LMX1A: variants seen among roughly 807,000 people sequenced by gnomAD.
LMX1A encodes the protein LIM homeobox transcription factor 1-alpha.
In LMX1A, 15 loss-of-function variants were observed where a neutral mutation model predicts 49.1. The ratio of observed to expected loss-of-function variants is 0.31; its 90% CI spans 0.20 to 0.47. The LOEUF (loss-of-function observed/expected upper bound fraction) is 0.47. LMX1A is among the 20% of genes least tolerant of loss of function. LMX1A has a pLI of 1.00. For synonymous variants in LMX1A, 167 were observed against 185.7 expected (o/e 0.90, Z 0.82); for missense variants, 372 against 475.8 (o/e 0.78, Z 2.03).
chr1:165,327,366 G>A (rs961817708), intron 3 of LMX1A, among the ~76,000 whole-genome samples: 1 of 152,354 alleles, frequency 6.6e-6, no homozygotes, highest in South Asian at 2.1e-4. Context: ...GACTACTGCA[G>A]TAGACATGGA....
intron 3 of LMX1A, among the ~76,000 whole-genome samples, chr1:165,276,019 G>T (rs963848635): frequency 1.3e-5 from 2 of 152,000 alleles, no homozygotes; most frequent in Admixed American, 1.3e-4. Context: ...TGGAGTGTGA[G>T]TGATGGGATG....
chr1:165,295,443 T>A (rs1654589280), intron 3 of LMX1A, among the ~76,000 whole-genome samples: 1 of 147,822 alleles, frequency 6.8e-6, no homozygotes. Context: ...TATATTTTTA[T>A]AATATATAAA....
In LMX1A at chr1:165,278,658, C is replaced by T. The variant is rs186795012; in HGVS notation, c.264-29018G>A. On this transcript the variant is annotated intron_variant, in intron 3 of 8. Transcript: ENST00000342310. ...ACAGCCCACAACCACCTTCTTCTGG[C>T]CTACCTCCTAGTTTGAGTGGCAGTT... Among the ~76,000 whole-genome samples, 343 of 152,324 alleles carry T rather than the reference C, an allele frequency of 2.3e-3. 3 individuals are homozygous for T. Among genetic ancestry groups the T allele is most frequent in the Non-Finnish European group, 1.5e-3 (100 of 68,026 alleles).
Position 165,204,042 on chromosome 1 carries a change from T to C in LMX1A, c.989-2A>G. ...GGTCATGGAAAAGGGGCTCGGCACC[T>C]GAAATGGAGATGAAACACTGGCATG... is the stretch of plus-strand genomic sequence containing the variant. On this transcript the variant is annotated splice_acceptor_variant, in intron 8 of 8. Coordinates refer to ENST00000342310, the MANE Select transcript of LMX1A (RefSeq NM_177398.4). LOFTEE classifies it high-confidence loss of function. 6.2e-7 allele frequency: 1 copy of C among 1,613,862 alleles called. No individual in the cohort carries two copies.
chr1:165,277,389 C>CT (rs991266020), intron 3 of LMX1A, among the ~76,000 whole-genome samples: 46 of 152,316 alleles, frequency 3.0e-4, no homozygotes, highest in Admixed American at 1.4e-3. Context: ...CTGCCAAATC[C>CT]CCCCCTTGGG....
chr1:165,302,170 G>A (rs1654799948), intron 3 of LMX1A, among the ~76,000 whole-genome samples: 1 of 149,020 alleles, frequency 6.7e-6, no homozygotes, highest in Admixed American at 6.8e-5. Context: ...GGGTGTGGTG[G>A]CTCACACCTG....
intron 3 of LMX1A, among the ~76,000 whole-genome samples, chr1:165,260,439 A>AGGG (rs3038101): frequency 0.014 from 2,058 of 152,184 alleles, 47 homozygotes; most frequent in African/African-American, 0.046. Context: ...GATCTCAGCA[A>AGGG]GCCACACCAA....
intron 3 of LMX1A, among the ~76,000 whole-genome samples, chr1:165,264,016 A>C (rs1248536344): frequency 6.6e-6 from 1 of 152,252 alleles, no homozygotes; most frequent in Non-Finnish European, 1.5e-5. Flanking sequence ...AAGGAAAGGC[A>C]AGAGTTTCCC....
intron 3 of LMX1A, among the ~76,000 whole-genome samples, chr1:165,308,341 G>A (rs1504697): frequency 6.6e-6 from 1 of 151,962 alleles, no homozygotes; most frequent in Non-Finnish European, 1.5e-5. Flanking sequence ...GGTTCCTCCA[G>A]TGCAAATGGA....
intron 4 of LMX1A, among the ~76,000 whole-genome samples, chr1:165,215,181 G>T (rs1268993538): frequency 6.6e-6 from 1 of 152,056 alleles, no homozygotes; most frequent in Non-Finnish European, 1.5e-5. Flanking sequence ...TGTGGTGGTG[G>T]GTGCCTGTAA....
chr1:165,286,204 C>T (rs1654300287), intron 3 of LMX1A, among the ~76,000 whole-genome samples: 1 of 152,168 alleles, frequency 6.6e-6, no homozygotes, highest in Non-Finnish European at 1.5e-5. Context: ...TCAATAATTC[C>T]AGTCTTGCAG....
At chr1:165,279,818 G>A (rs1029213374) in intron 3 of LMX1A, among the ~76,000 whole-genome samples, 1 of 152,136 alleles carries the variant, frequency 6.6e-6, no homozygotes, top group Admixed American at 6.5e-5. Flanking sequence ...AGATTCTCAA[G>A]TGGGGATTTT....
intron 3 of LMX1A, among the ~76,000 whole-genome samples, chr1:165,278,110 G>A: frequency 8.1e-6 from 1 of 123,524 alleles, no homozygotes; most frequent in East Asian, 2.1e-4. Context: ...TTATTAACTT[G>A]GCCAAGGAAG....
chr1:165,214,591 T>C (rs75338608), intron 4 of LMX1A, among the ~76,000 whole-genome samples: 4,588 of 152,316 alleles, frequency 0.03, 227 homozygotes, highest in African/African-American at 0.1. Context: ...GCCTTGACTG[T>C]TGATGATTAA....
chr1:165,244,350 G>A (rs539148547), intron 4 of LMX1A, among the ~76,000 whole-genome samples: 7 of 152,158 alleles, frequency 4.6e-5, no homozygotes, highest in Admixed American at 1.3e-4. Context: ...CCTAGGATCC[G>A]CAATTTATAG....
intron 4 of LMX1A, among the ~76,000 whole-genome samples, chr1:165,221,666 A>G (rs1651850712): frequency 1.3e-5 from 2 of 152,164 alleles, no homozygotes; most frequent in Admixed American, 6.5e-5. Flanking sequence ...GCAGGCCCCA[A>G]AGGGGAGCTG....
At chr1:165,324,622 T>C (rs797016095) in intron 3 of LMX1A, among the ~76,000 whole-genome samples, 29 of 152,318 alleles carry the variant, frequency 1.9e-4, no homozygotes, top group Middle Eastern at 3.4e-3. Context: ...CATGGAGTTT[T>C]GGATTAATAA....
chr1:165,346,143 G>A (rs1292831872), intron 3 of LMX1A, among the ~76,000 whole-genome samples: 2 of 152,160 alleles, frequency 1.3e-5, no homozygotes, highest in East Asian at 1.9e-4. Flanking sequence ...TGTAGGATAA[G>A]GCACTCCAAT....
At chr1:165,351,122 C>A (rs1360435612) in intron 3 of LMX1A, among the ~76,000 whole-genome samples, 4 of 152,164 alleles carry the variant, frequency 2.6e-5, no homozygotes, top group Non-Finnish European at 5.9e-5. Context: ...GAAGATTTGA[C>A]TGGCCAGACA....
Sources: allele counts gnomAD v4.1 joint callset (sites outside exome capture counted in the v4.1 genomes callset), GRCh38; gene constraint gnomAD v4.1.1; transcripts MANE v1.5; gene names NCBI Gene and HGNC (gene_info 2026-07-23, HGNC 2026-07-21).